STAM2: variants seen among roughly 807,000 people sequenced by gnomAD.
STAM2 encodes signal transducing adapter molecule 2.
In STAM2, 51 loss-of-function variants were observed where a neutral mutation model predicts 65.6. The ratio of observed to expected loss-of-function variants is 0.78; its 90% CI spans 0.62 to 0.98. The LOEUF is 0.98. Ranked by LOEUF, STAM2 falls within the 50% of genes least tolerant of loss-of-function variation. STAM2 has a pLI of 0.00. For missense variants in STAM2, 584 were observed against 617.8 expected, an observed-to-expected ratio of 0.95 and a Z score of 0.58; for synonymous variants, 198 against 208.4, an observed-to-expected ratio of 0.95 and a Z score of 0.43.
intron 1 of STAM2, among the ~76,000 whole-genome samples, chr2:152,155,509 A>G (rs1689526342): frequency 6.6e-6 from 1 of 152,230 alleles, no homozygotes; most frequent in African/African-American, 2.4e-5. Context: ...CCTCTTGTTT[A>G]CTGAAGAGAA....
intron 1 of STAM2, among the ~76,000 whole-genome samples, chr2:152,155,462 C>T (rs912209051): frequency 3.3e-5 from 5 of 152,184 alleles, no homozygotes; most frequent in Admixed American, 6.5e-5. Flanking sequence ...GGCAACAAAA[C>T]GTAACAGCAC....
intron 5 of STAM2, among the ~76,000 whole-genome samples, chr2:152,146,513 C>T (rs934321231): frequency 6.6e-6 from 1 of 152,050 alleles, no homozygotes; most frequent in Non-Finnish European, 1.5e-5. Context: ...TATCCCTTCT[C>T]CCAGCAAATA....
At chr2:152,121,223 C>G (rs1688847986) in intron 13 of STAM2, among the ~76,000 whole-genome samples, 1 of 152,184 alleles carries the variant, frequency 6.6e-6, no homozygotes, top group African/African-American at 2.4e-5. Flanking sequence ...ATCCTCTGGC[C>G]TTGGCCTCTC....
chr2:152,136,114 A>G lies in STAM2; in HGVS notation c.705-511T>C, dbSNP rs1689149206. Among the ~76,000 whole-genome samples, 3 of 151,424 alleles carry G rather than the reference A, an allele frequency of 2.0e-5. No homozygotes were observed. In the South Asian group the frequency reaches 6.2e-4, roughly 31 times the overall value. On this transcript the variant is annotated intron_variant, in intron 7 of 13. Transcript: ENST00000263904. ...AAAAAAAAAAAAAAAAAAAATTAGA[A>G]CCAATTAGCAATTAATCATTTTTTA...
At chr2:152,147,854 T>C (rs565913259) in intron 4 of STAM2, among the ~76,000 whole-genome samples, 170 bp downstream of exon 4, 1 of 152,302 alleles carries the variant, frequency 6.6e-6, no homozygotes, top group African/African-American at 2.4e-5. Context: ...TTGGGGAGAA[T>C]AGTTTTTGGT....
intron 13 of STAM2, 108 bp from the exon 14 acceptor site, chr2:152,120,910 G>T: frequency 1.3e-6 from 1 of 760,252 alleles, no homozygotes; most frequent in Non-Finnish European, 2.2e-6. Context: ...TTAAGCTTAC[G>T]TAGCTCTGCT....
At chr2:152,149,626 T>C (rs533081066) in intron 2 of STAM2, among the ~76,000 whole-genome samples, 2 of 151,828 alleles carry the variant, frequency 1.3e-5, no homozygotes, top group South Asian at 2.1e-4. Context: ...GCATCTCAAG[T>C]AGCTGGGATT....
chr2:152,124,259 A>G (rs1688913362), intron 12 of STAM2: 1 of 227,722 alleles, frequency 4.4e-6, no homozygotes, highest in African/African-American at 2.3e-5. Flanking sequence ...GAGCCACAGA[A>G]AACTATACAC....
chr2:152,160,977 A>AG (rs1303531958), intron 1 of STAM2, among the ~76,000 whole-genome samples: 4 of 150,874 alleles, frequency 2.7e-5, no homozygotes, highest in African/African-American at 7.3e-5. Flanking sequence ...CTGCCCGGCC[A>AG]CCACCCCGTC....
chr2:152,142,582 C>T (rs1689267643), intron 7 of STAM2, among the ~76,000 whole-genome samples: 1 of 152,060 alleles, frequency 6.6e-6, no homozygotes, highest in African/African-American at 2.4e-5. Flanking sequence ...ACTCAGATAC[C>T]CATAAACCAT....
In STAM2 at chr2:152,126,303, C is replaced by T. The variant is rs764965275; in HGVS notation, c.1102G>A (p.Ala368Thr). ...TTTGAATAGACTGAGTACACTGGTG[C>T]TTCATTCACCAATTTGTTATATAGT... ...LELYNKLVNE[A>T]PVYSVYSKLH... is the part of the protein sequence containing the mutation. The change falls in exon 12 of 14, where the codon GCA (alanine) becomes ACA (threonine). Residue 368 changes from alanine to threonine, a missense_variant. Physicochemically the swap from Ala to Thr is moderately conservative, Grantham distance 58 (BLOSUM62 0). Coordinates refer to ENST00000263904, the MANE Select transcript of STAM2 (RefSeq NM_005843.6). 1 of 1,607,156 alleles carries T rather than the reference C, an allele frequency of 6.2e-7. No homozygotes were observed. Among genetic ancestry groups the T allele is most frequent in the South Asian group, 1.1e-5 (1 of 90,060 alleles).
Position 152,149,536 on chromosome 2 carries a change from C to T in STAM2, c.125+609G>A, listed in dbSNP as rs375976140. 4.7e-5 allele frequency among the ~76,000 whole-genome samples: 7 copies of T among 149,472 alleles called. No individual in the cohort carries two copies. In the East Asian group the frequency reaches 5.9e-4, roughly 13 times the overall value. ...TTTTTGAGACAGAGTCTCGCTCTAC[C>T]GTCCAGGCTGGAGTGCAGTGGTGCC... On this transcript the variant is annotated intron_variant, in intron 2 of 13. Transcript: ENST00000263904.
intron 1 of STAM2, among the ~76,000 whole-genome samples, chr2:152,155,836 G>T (rs551387786): frequency 6.6e-6 from 1 of 152,198 alleles, no homozygotes; most frequent in African/African-American, 2.4e-5. Flanking sequence ...ACTTCATTTA[G>T]TGTATCTGGA....
chr2:152,123,989 T>A (rs1316355934), intron 12 of STAM2, 54 bp from the exon 13 acceptor site: 5 of 1,423,514 alleles, frequency 3.5e-6, no homozygotes, highest in Non-Finnish European at 4.9e-6. Context: ...ATGTGCCTAA[T>A]AATATATTTA....
At chr2:152,128,455 C>A (rs900221764) in intron 11 of STAM2, among the ~76,000 whole-genome samples, 1 of 151,070 alleles carries the variant, frequency 6.6e-6, no homozygotes, top group African/African-American at 2.4e-5. Context: ...ACCCAGAAAG[C>A]TACAGAAATT....
At position 152,133,450 on chromosome 2, in the gene STAM2, A is replaced by T; in HGVS notation, c.834T>A (p.Asp278Glu). ...GCTCTGATTTCTTAATTTCCTCCAC[A>T]TCATCATCAATTACATTCAATTTGT... is the stretch of plus-strand genomic sequence containing the variant. ...AVDKLNVIDD[D>E]VEEIKKSEPE... Residue 278 changes from aspartate to glutamate, a missense_variant, in exon 9 of 14, where the codon GAT (aspartate) becomes GAA (glutamate). Coordinates refer to ENST00000263904, the MANE Select transcript of STAM2 (RefSeq NM_005843.6). The T allele has an allele frequency of 6.2e-7, 1 of 1,612,842 alleles. No homozygotes were observed. Among genetic ancestry groups the T allele is most frequent in the Non-Finnish European group, 8.5e-7 (1 of 1,179,282 alleles).
In STAM2 at chr2:152,133,248, T is replaced by C. The variant is rs1396012669; in HGVS notation, c.895A>G (p.Arg299Gly). The change falls in exon 10 of 14, where the codon AGA (arginine) becomes GGA (glycine). Residue 299 changes from arginine (R) to glycine (G), a missense_variant. Coordinates refer to ENST00000263904, the MANE Select transcript of STAM2 (RefSeq NM_005843.6). Reference sequence around the variant, plus strand: ...ATACTCTGAAGTACCTGCAGGGCTCTATCCATCTTATCCTAAAAAAGTAAC... The same window carrying C: ...ATACTCTGAAGTACCTGCAGGGCTCCATCCATCTTATCCTAAAAAAGTAAC... ...PVYIDEDKMD[R>G]ALQVLQSIDP... 1.2e-6 allele frequency: 2 copies of C among 1,608,640 alleles called. No individual in the cohort carries two copies. Among genetic ancestry groups the C allele is most frequent in the Non-Finnish European group, 1.7e-6 (2 of 1,177,452 alleles).
intron 12 of STAM2, among the ~76,000 whole-genome samples, chr2:152,124,877 G>A (rs1325439396): frequency 6.6e-6 from 1 of 152,148 alleles, no homozygotes; most frequent in African/African-American, 2.4e-5. Flanking sequence ...TATAACTAAT[G>A]TGTTACCCCA....
rs780678324 is a variant in STAM2, at chr2:152,143,842, A to G, written c.689T>C (p.Ile230Thr). ...ELTFKHGEII[I>T]VLDDSDANWW... ...TAAAACTTACCTGTCATCCAAAACA[A>G]TAATTATTTCACCATGTTTAAAGGT... The change falls in exon 7 of 14, where the codon ATT (isoleucine) becomes ACT (threonine). Residue 230 changes from isoleucine (I) to threonine (T), a missense_variant. Physicochemically the swap from Ile to Thr is moderately conservative, Grantham distance 89. Coordinates refer to ENST00000263904, the MANE Select transcript of STAM2 (RefSeq NM_005843.6). 7 of 1,609,112 alleles carry G rather than the reference A, an allele frequency of 4.4e-6. No individual in the cohort carries two copies. The South Asian group carries it at 5.5e-5, about 13-fold the overall frequency.
Sources: allele counts gnomAD v4.1 joint callset (sites outside exome capture counted in the v4.1 genomes callset), GRCh38; gene constraint gnomAD v4.1.1; transcripts MANE v1.5; gene names NCBI Gene and HGNC (gene_info 2026-07-23, HGNC 2026-07-21).